CRKL: variants seen among roughly 807,000 people sequenced by gnomAD.
CRKL encodes the protein CRK like proto-oncogene, adaptor protein.
Under a neutral mutation model 23.0 loss-of-function variants are expected in CRKL, and 3 were observed. The observed-to-expected ratio is 0.13, with a 90% CI of 0.06 to 0.34. The LOEUF (loss-of-function observed/expected upper bound fraction) is 0.34, where lower values mean the gene tolerates loss of function less well. CRKL is among the 10% of genes least tolerant of loss of function. The probability of loss-of-function intolerance (pLI) is 1.00; values close to 1 mark genes in which losing one functional copy is unlikely to be tolerated. For missense variants in CRKL, 256 were observed against 394.5 expected, an observed-to-expected ratio of 0.65 and a Z score of 2.97; for synonymous variants, 188 against 160.7, an observed-to-expected ratio of 1.17 and a Z score of -1.28.
chr22:20,950,493 A>T lies in CRKL; in HGVS notation c.*648A>T. On this transcript the variant is annotated 3_prime_UTR_variant, in exon 3 of 3. Transcript: ENST00000354336. Reference sequence around the variant, plus strand: ...CAGTGGCGCAATCTCGCCTTCCTGCAGTCTCCGCCTCCTGAGTTCAAGCGA... The same window carrying T: ...CAGTGGCGCAATCTCGCCTTCCTGCTGTCTCCGCCTCCTGAGTTCAAGCGA... The T allele has an allele frequency of 4.3e-6, 1 of 230,056 alleles. No individual in the cohort carries two copies. The highest frequency in any genetic ancestry group is 6.2e-5 in the East Asian group (1 of 16,154). The allele number at this position is 230,056 out of a possible 1,614,324, so 14.3% of individuals were successfully genotyped here.
Position 20,923,900 on chromosome 22 carries a change from A to C in CRKL, c.311+5655A>C, listed in dbSNP as rs1921090225. ...GCTACTAAAAAAAAAAAAAATGTAA[A>C]GGTTGGCTGTGCTCGGTGGCTCGTG... On this transcript the variant is annotated intron_variant, in intron 1 of 2. Transcript: ENST00000354336. Among the ~76,000 whole-genome samples, 5 of 150,332 alleles carry C rather than the reference A, an allele frequency of 3.3e-5. No homozygotes were observed. The South Asian group carries it at 1.1e-3, about 33-fold the overall frequency.
At chr22:20,948,701 C>T (rs1922160144) in intron 2 of CRKL, among the ~76,000 whole-genome samples, 1 of 148,822 alleles carries the variant, frequency 6.7e-6, no homozygotes, top group African/African-American at 2.4e-5. Context: ...AGTCTTGCTG[C>T]GTTGCGCCGG....
At position 20,952,001 on chromosome 22, in the gene CRKL, A is replaced by G. The variant is rs1922297428; in HGVS notation, c.*2156A>G. The stretch of plus-strand genomic sequence containing the variant: ...GTTCAGGCCTGGCGTAGCACCCACA[A>G]GTGGCAGACATATCACAAGAGTCCC... On this transcript the variant is annotated 3_prime_UTR_variant, in exon 3 of 3. Coordinates refer to ENST00000354336, the MANE Select transcript of CRKL (RefSeq NM_005207.4). The G allele has an allele frequency of 4.5e-6, 1 of 223,586 alleles. No individual in the cohort carries two copies. Among genetic ancestry groups the G allele is most frequent in the Non-Finnish European group, 8.9e-6 (1 of 112,178 alleles). 13.9% of individuals were successfully genotyped at this position (223,586 alleles called of 1,614,324 possible).
At chr22:20,936,082 C>T (rs1921649498) in intron 2 of CRKL, among the ~76,000 whole-genome samples, 1 of 152,064 alleles carries the variant, frequency 6.6e-6, no homozygotes, top group South Asian at 2.1e-4. Context: ...ATTGCTTGAA[C>T]CAGGTAATTA....
intron 2 of CRKL, among the ~76,000 whole-genome samples, chr22:20,936,631 G>A (rs1298834443): frequency 2.0e-5 from 3 of 152,112 alleles, no homozygotes; most frequent in Admixed American, 6.6e-5. Flanking sequence ...GATTACAGGC[G>A]TGAGCTACCA....
In CRKL at chr22:20,950,283, A is replaced by G. The variant is rs1922220056; in HGVS notation, c.*438A>G. 4.2e-6 allele frequency: 1 copy of G among 236,098 alleles called. No homozygotes were observed. Among genetic ancestry groups the G allele is most frequent in the African/African-American group, 2.2e-5 (1 of 45,348 alleles). The allele number at this position is 236,098 out of a possible 1,614,324, so 14.6% of individuals were successfully genotyped here. On this transcript the variant is annotated 3_prime_UTR_variant, in exon 3 of 3. Transcript: ENST00000354336. ...GCTTTTCTTTGGACAACAGGAAGTGAACCTTAAGGAAGAGAGAATTCTGTT... is the reference window on the plus strand; with the variant it reads ...GCTTTTCTTTGGACAACAGGAAGTGGACCTTAAGGAAGAGAGAATTCTGTT...
At position 20,918,068 on chromosome 22, in the gene CRKL, C is replaced by T. The variant is rs774827798; in HGVS notation, c.134C>T (p.Pro45Leu). ...CTCGTCCGCGATTCTTCCACCTGCC[C>T]TGGGGACTATGTGCTGTCGGTGTCC... ...MFLVRDSSTC[P>L]GDYVLSVSEN... The change falls in exon 1 of 3, where the codon CCT becomes CTT. Residue 45 changes from proline to leucine, a missense_variant. Transcript: ENST00000354336. 8 of 1,614,140 alleles carry T rather than the reference C, an allele frequency of 5.0e-6. No homozygotes were observed. The highest frequency in any genetic ancestry group is 1.3e-5 in the African/African-American group (1 of 74,948).
chr22:20,934,026 C>T lies in CRKL; in HGVS notation c.559C>T (p.His187Tyr), dbSNP rs757836194. 1 of 1,614,174 alleles carries T rather than the reference C, an allele frequency of 6.2e-7. No individual in the cohort carries two copies. Among genetic ancestry groups the T allele is most frequent in the South Asian group, 1.1e-5 (1 of 91,086 alleles). The change falls in exon 2 of 3, where the codon CAC becomes TAC. Residue 187 changes from histidine to tyrosine, a missense_variant. His to Tyr is a moderately conservative substitution (Grantham distance 83). This residue lies in a region of CRKL where 129 missense variants were observed against 222.1 expected (regional missense o/e 0.58). Transcript: ENST00000354336. ...YVEKLVRSSP[H>Y]GKHGNRNSNS... ...CGAAAAGCTTGTGAGATCCTCACCA[C>T]ACGGAAAGCATGGAAATAGGAATTC... is the stretch of plus-strand genomic sequence containing the variant.
Position 20,950,116 on chromosome 22 carries a change from T to C in CRKL, c.*271T>C, listed in dbSNP as rs1014542916. The stretch of plus-strand genomic sequence containing the variant: ...TGGAAGCACACAAGTGGAGAGAAGT[T>C]GACATGGAAAGGGTCTTCCTTCTCA... On this transcript the variant is annotated 3_prime_UTR_variant, in exon 3 of 3. Coordinates refer to ENST00000354336, the MANE Select transcript of CRKL (RefSeq NM_005207.4). 6.8e-6 allele frequency: 3 copies of C among 441,104 alleles called. No homozygotes were observed. Among genetic ancestry groups the C allele is most frequent in the African/African-American group, 6.2e-5 (3 of 48,608 alleles). 27.3% of individuals were successfully genotyped at this position (441,104 alleles called of 1,614,324 possible).
In CRKL at chr22:20,917,955, C is replaced by T. The variant is rs1601669743; in HGVS notation, c.21C>T (p.Asp7=). Residue 7 remains aspartate (D), a synonymous_variant, in exon 1 of 3, where the codon GAC becomes GAT. Transcript: ENST00000354336. ...ACACCATGTCCTCCGCCAGGTTCGA[C>T]TCCTCGGACCGCTCCGCCTGGTATA... is the stretch of plus-strand genomic sequence containing the variant. MSSARF[D]SSDRSAWYMG... 6.2e-7 allele frequency: 1 copy of T among 1,613,908 alleles called. No individual in the cohort carries two copies. The highest frequency in any genetic ancestry group is 8.5e-7 in the Non-Finnish European group (1 of 1,179,978).
chr22:20,949,688 C>G (rs1922195298), intron 2 of CRKL, 23 bp from the exon 3 acceptor site: 1 of 1,607,576 alleles, frequency 6.2e-7, no homozygotes, highest in Non-Finnish European at 8.5e-7. Context: ...GAAATGCTAA[C>G]TTTGTCTTCT....
intron 2 of CRKL, among the ~76,000 whole-genome samples, chr22:20,948,920 C>T (rs1253963419): frequency 6.6e-6 from 1 of 152,190 alleles, no homozygotes; most frequent in Non-Finnish European, 1.5e-5. Flanking sequence ...GATTAGTGCT[C>T]TGCTGAACAG....
chr22:20,947,037 G>T (rs1187911276), intron 2 of CRKL, among the ~76,000 whole-genome samples: 5 of 152,154 alleles, frequency 3.3e-5, no homozygotes, highest in Admixed American at 6.5e-5. Context: ...GGAAACTCCT[G>T]CAAGGCCACA....
intron 1 of CRKL, among the ~76,000 whole-genome samples, chr22:20,919,161 A>G (rs1398031094): frequency 1.3e-5 from 2 of 152,126 alleles, no homozygotes; most frequent in African/African-American, 4.8e-5. Flanking sequence ...CTGTATATTG[A>G]TACTGTGGTG....
chr22:20,917,607 T>G lies in CRKL; in HGVS notation c.-328T>G. 2 of 356,446 alleles carry G rather than the reference T, an allele frequency of 5.6e-6. No homozygotes were observed. Among genetic ancestry groups the G allele is most frequent in the South Asian group, 6.2e-5 (1 of 16,182 alleles). The allele number at this position is 356,446 out of a possible 1,614,324, so 22.1% of individuals were successfully genotyped here. A position where few individuals can be genotyped will look rare whatever the true frequency, so the allele number is the denominator to read the frequency against. On this transcript the variant is annotated 5_prime_UTR_variant, in exon 1 of 3. Coordinates refer to ENST00000354336, the MANE Select transcript of CRKL (RefSeq NM_005207.4). ...GCGCCGGCGCGTTCCAGGCCGGGAG[T>G]CACTGGAGGCACCCCTGGGACGCCG...
Position 20,953,122 on chromosome 22 carries a change from T to C in CRKL, c.*3277T>C, listed in dbSNP as rs113886812. 9.3e-4 allele frequency: 216 copies of C among 232,074 alleles called. 1 individual carries two copies. The highest frequency in any genetic ancestry group is 4.5e-3 in the African/African-American group (205 of 45,354). The allele number at this position is 232,074 out of a possible 1,614,324, so 14.4% of individuals were successfully genotyped here. A position where few individuals can be genotyped will look rare whatever the true frequency, so the allele number is the denominator to read the frequency against. On this transcript the variant is annotated 3_prime_UTR_variant, in exon 3 of 3. Transcript: ENST00000354336. ...TTTTGAAAAGGGATGATGTGGTTTTTTGCCAGGTGTTTATAATTAATCCTT... is the reference window on the plus strand; with the variant it reads ...TTTTGAAAAGGGATGATGTGGTTTTCTGCCAGGTGTTTATAATTAATCCTT...
rs1245871921 is a variant in CRKL at position 20,917,930 on chromosome 22, A to G, written c.-5A>G. ...CTACCGCCGCAGAGTCCCCGGTCCA[A>G]CACCATGTCCTCCGCCAGGTTCGAC... On this transcript the variant is annotated 5_prime_UTR_variant, in exon 1 of 3. Coordinates refer to ENST00000354336, the MANE Select transcript of CRKL (RefSeq NM_005207.4). The G allele has an allele frequency of 2.5e-6, 4 of 1,612,800 alleles. No individual in the cohort carries two copies. The highest frequency in any genetic ancestry group is 2.7e-5 in the African/African-American group (2 of 74,998).
At chr22:20,932,443 C>CT (rs886153686) in intron 1 of CRKL, among the ~76,000 whole-genome samples, 5 of 151,616 alleles carry the variant, frequency 3.3e-5, no homozygotes, top group East Asian at 1.9e-4. Flanking sequence ...TTTTTTGTTC[C>CT]TTTTTTTTCA....
chr22:20,926,630 G>T (rs1803783720), intron 1 of CRKL, among the ~76,000 whole-genome samples: 1 of 152,160 alleles, frequency 6.6e-6, no homozygotes, highest in African/African-American at 2.4e-5. Flanking sequence ...AATACATATA[G>T]ATTTGGGAAT....
Sources: gnomAD v4.1 joint callset for allele counts (sites outside exome capture counted in the v4.1 genomes callset) on GRCh38, gnomAD v4.1.1 for gene constraint, gnomAD v4.1.1 regional missense constraint, MANE v1.5 for transcripts, NCBI Gene and HGNC (gene_info 2026-07-23, HGNC 2026-07-21) for gene names.